KDM7A: variants seen among roughly 807,000 people sequenced by gnomAD.
KDM7A encodes lysine-specific demethylase 7A.
KDM7A carries 28 observed loss-of-function variants against 114.8 expected under a neutral mutation model. The observed-to-expected ratio is 0.24, with a 90% CI of 0.18 to 0.33. KDM7A has a LOEUF of 0.33. Among genes scored for constraint, KDM7A ranks in the 10% least tolerant of loss-of-function variants. The pLI, the probability that KDM7A is intolerant of heterozygous loss-of-function variation, is 1.00. For missense variants in KDM7A, 942 were observed against 1,142.5 expected (o/e 0.82, Z 2.53); for synonymous variants, 423 against 397.8 (o/e 1.06, Z -0.75).
At chr7:140,105,187 G>T (rs2116760321) in intron 11 of KDM7A, among the ~76,000 whole-genome samples, 1 of 152,220 alleles carries the variant, frequency 6.6e-6, no homozygotes, top group Middle Eastern at 3.4e-3. Context: ...GGAGATTTTG[G>T]GCTGAGATGA....
In KDM7A at chr7:140,094,117, T is replaced by C. The variant is rs187649373; in HGVS notation, c.2396A>G (p.Asp799Gly). ...CCAGGAGGAAGTCCTCAAGTCTGGA[T>C]CTTCAGTCTTGACATGGTATCCTAA... is the stretch of plus-strand genomic sequence containing the variant. ...VECGYHVKTE[D>G]PDLRTSSWIK... The change falls in exon 18 of 20, where the codon GAT becomes GGT. Residue 799 changes from aspartate (D) to glycine (G), a missense_variant. This residue lies in a region of KDM7A where 512 missense variants were observed against 576.6 expected (regional missense o/e 0.89). Transcript: ENST00000397560. 5 of 1,596,840 alleles carry C rather than the reference T, an allele frequency of 3.1e-6. No homozygotes were observed. The highest frequency in any genetic ancestry group is 2.2e-5 in the East Asian group (1 of 44,778).
At chr7:140,155,908 C>T (rs1794452886) in intron 1 of KDM7A, among the ~76,000 whole-genome samples, 1 of 152,222 alleles carries the variant, frequency 6.6e-6, no homozygotes. Flanking sequence ...AGGACAGTTA[C>T]ATTTCACAAG....
At position 140,094,098 on chromosome 7, in the gene KDM7A, G is replaced by A. The variant is rs1818065351; in HGVS notation, c.2415C>T (p.Ser805=). ...AAGTATCAAACTGTTTAATCCAGGA[G>A]GAAGTCCTCAAGTCTGGATCTTCAG... The part of the protein sequence containing the change: ...VKTEDPDLRT[S]SWIKQFDTSR... Residue 805 remains serine (S), a synonymous_variant, in exon 18 of 20, where the codon TCC becomes TCT. Coordinates refer to ENST00000397560, the MANE Select transcript of KDM7A (RefSeq NM_030647.2). 5 of 1,605,640 alleles carry A rather than the reference G, an allele frequency of 3.1e-6. No individual in the cohort carries two copies. Among genetic ancestry groups the A allele is most frequent in the Non-Finnish European group, 4.3e-6 (5 of 1,172,306 alleles).
chr7:140,125,732 A>C (rs1019841503), intron 6 of KDM7A, among the ~76,000 whole-genome samples: 1 of 147,432 alleles, frequency 6.8e-6, no homozygotes, highest in Non-Finnish European at 1.5e-5. Context: ...ACACCTGGCT[A>C]ATTTTTTAAT....
chr7:140,104,488 G>A (rs1023218004), intron 11 of KDM7A, among the ~76,000 whole-genome samples: 4 of 152,160 alleles, frequency 2.6e-5, no homozygotes, highest in Admixed American at 6.5e-5. Flanking sequence ...TTTGCATAAG[G>A]TGTAAGGAAG....
At position 140,089,265 on chromosome 7, in the gene KDM7A, TAAGATTC is replaced by T. The variant is rs1485072478; in HGVS notation, c.*1822_*1828del. 1 of 152,210 alleles carries T rather than the reference TAAGATTC, an allele frequency of 6.6e-6. No homozygotes were observed. Among genetic ancestry groups the T allele is most frequent in the African/African-American group, 2.4e-5 (1 of 41,448 alleles). 9.4% of individuals were successfully genotyped at this position (152,210 alleles called of 1,614,324 possible). A position where few individuals can be genotyped will look rare whatever the true frequency, so the allele number is the denominator to read the frequency against. ...AAAATTCTTTTTCCTGATACCCAGA[TAAGATTC>T]AGACTTTGGTCCAGTCACTCTGAAC... On this transcript the variant is annotated 3_prime_UTR_variant, in exon 20 of 20. Transcript: ENST00000397560.
chr7:140,163,864 T>C (rs1794546169), intron 1 of KDM7A, among the ~76,000 whole-genome samples: 1 of 152,088 alleles, frequency 6.6e-6, no homozygotes, highest in Non-Finnish European at 1.5e-5. Context: ...AAAGACTAGA[T>C]AAAAGAAAAT....
chr7:140,127,079 CCTCT>C (rs1289564595), intron 5 of KDM7A, among the ~76,000 whole-genome samples: 1 of 152,176 alleles, frequency 6.6e-6, no homozygotes, highest in Non-Finnish European at 1.5e-5. Flanking sequence ...CGTGCCTCAG[CCTCT>C]CTGAGTAGCT....
At chr7:140,126,133 C>T (rs1818697574) in intron 6 of KDM7A, among the ~76,000 whole-genome samples, 5 of 152,106 alleles carry the variant, frequency 3.3e-5, no homozygotes, top group Admixed American at 3.3e-4. Context: ...GTCTTGAACT[C>T]CTGGGCTCAA....
At chr7:140,115,297 C>G (rs985080537) in intron 9 of KDM7A, among the ~76,000 whole-genome samples, 1 of 152,244 alleles carries the variant, frequency 6.6e-6, no homozygotes, top group Non-Finnish European at 1.5e-5. Context: ...GGAGGTGTAA[C>G]CCAACAGCTC....
Position 140,088,842 on chromosome 7 carries a change from A to T in KDM7A, c.*2252T>A. The T allele has an allele frequency of 4.1e-6, 1 of 242,258 alleles. No homozygotes were observed. Among genetic ancestry groups the T allele is most frequent in the Non-Finnish European group, 7.8e-6 (1 of 128,188 alleles). 15.0% of individuals were successfully genotyped at this position (242,258 alleles called of 1,614,324 possible). On this transcript the variant is annotated 3_prime_UTR_variant, in exon 20 of 20. Transcript: ENST00000397560. Reference sequence around the variant, plus strand: ...CACAGTGGATACTGGCCACAATTTTAATTCATAAAAATAAATTAAATTTCA... The same window carrying T: ...CACAGTGGATACTGGCCACAATTTTTATTCATAAAAATAAATTAAATTTCA...
At chr7:140,110,288 GAT>G (rs1370960402) in intron 11 of KDM7A, among the ~76,000 whole-genome samples, 1 of 151,960 alleles carries the variant, frequency 6.6e-6, no homozygotes, top group African/African-American at 2.4e-5. Context: ...TTTAAGATTA[GAT>G]ATATGACTTT....
rs1817952556 is a variant in KDM7A, at chr7:140,087,708, A to G, written c.*3386T>C. On this transcript the variant is annotated 3_prime_UTR_variant, in exon 20 of 20. Coordinates refer to ENST00000397560, the MANE Select transcript of KDM7A (RefSeq NM_030647.2). ...ACCTAAATGGCAGAACTTCGACAAA[A>G]GCCCAGGTCTTCTGCTTCCTTGCAT... 6.6e-6 allele frequency: 1 copy of G among 152,236 alleles called. No individual in the cohort carries two copies. Among genetic ancestry groups the G allele is most frequent in the Middle Eastern group, 3.2e-3 (1 of 316 alleles). The allele number at this position is 152,236 out of a possible 1,614,324, so 9.4% of individuals were successfully genotyped here.
At chr7:140,143,918 TG>T (rs1794312334) in intron 1 of KDM7A, among the ~76,000 whole-genome samples, 1 of 152,258 alleles carries the variant, frequency 6.6e-6, no homozygotes, top group African/African-American at 2.4e-5. Context: ...ATATGCTAAT[TG>T]TTTAAAAACT....
At chr7:140,156,276 C>T (rs62491426) in intron 1 of KDM7A, among the ~76,000 whole-genome samples, 9,350 of 152,276 alleles carry the variant, frequency 0.061, 367 homozygotes, top group Non-Finnish European at 0.09. Flanking sequence ...GTTCACAATA[C>T]ATTTTGCACA....
chr7:140,091,063 A>G lies in KDM7A; in HGVS notation c.*31T>C, dbSNP rs966814563. The stretch of plus-strand genomic sequence containing the variant: ...CTCCTGCACCCCTAGACTGGTCTCC[A>G]AAGGGAAGAATGGCTGCAACAGCAG... On this transcript the variant is annotated 3_prime_UTR_variant, in exon 20 of 20. Coordinates refer to ENST00000397560, the MANE Select transcript of KDM7A (RefSeq NM_030647.2). 1.9e-6 allele frequency: 3 copies of G among 1,548,900 alleles called. No individual in the cohort carries two copies. Among genetic ancestry groups the G allele is most frequent in the African/African-American group, 2.7e-5 (2 of 73,622 alleles).
At chr7:140,102,696 T>C (rs1407903535) in intron 11 of KDM7A, among the ~76,000 whole-genome samples, 1 of 152,212 alleles carries the variant, frequency 6.6e-6, no homozygotes, top group Non-Finnish European at 1.5e-5. Context: ...CAATATCTTA[T>C]TAAAGGCTGT....
intron 1 of KDM7A, among the ~76,000 whole-genome samples, chr7:140,157,778 A>G (rs1794474231): frequency 6.6e-6 from 1 of 151,804 alleles, no homozygotes; most frequent in Non-Finnish European, 1.5e-5. Flanking sequence ...AGCCTGGCCA[A>G]CACGGCGAAA....
chr7:140,151,248 CA>C (rs1223769099), intron 1 of KDM7A, among the ~76,000 whole-genome samples: 1 of 152,154 alleles, frequency 6.6e-6, no homozygotes, highest in Non-Finnish European at 1.5e-5. Context: ...AGTGCGACAC[CA>C]AATTTTCATA....
Sources: allele counts gnomAD v4.1 joint callset (sites outside exome capture counted in the v4.1 genomes callset), GRCh38; gene constraint gnomAD v4.1.1; regional missense constraint gnomAD v4.1.1; transcripts MANE v1.5; gene names NCBI Gene and HGNC (gene_info 2026-07-23, HGNC 2026-07-21).